The following PAMR1 variants were observed in gnomAD, a reference collection of about 807,000 sequenced individuals.
PAMR1 encodes peptidase domain containing associated with muscle regeneration 1.
In PAMR1, 88 loss-of-function variants were observed where a neutral mutation model predicts 81.8. That is an observed-to-expected ratio of 1.08 (90% CI 0.91 to 1.28). PAMR1 has a LOEUF of 1.28. PAMR1 is among the 50% of genes most tolerant of loss of function. The pLI is 0.00. For missense variants in PAMR1, 935 were observed against 919.7 expected, an observed-to-expected ratio of 1.02 and a Z score of -0.21; for synonymous variants, 336 against 345.3, an observed-to-expected ratio of 0.97 and a Z score of 0.30.
chr11:35,526,596 C>T (rs1040039843), upstream of PAMR1, among the ~76,000 whole-genome samples: 23 of 152,206 alleles, frequency 1.5e-4, no homozygotes, highest in Non-Finnish European at 3.2e-4. Context: ...AGAAACGGAA[C>T]CATTGAGGAT....
intron 6 of PAMR1, among the ~76,000 whole-genome samples, chr11:35,442,937 T>A (rs1856207452): frequency 6.6e-6 from 1 of 152,146 alleles, no homozygotes; most frequent in Admixed American, 6.5e-5. Context: ...TAATTTCAAC[T>A]TTTATTTTAG....
intron 6 of PAMR1, chr11:35,452,070 A>G: frequency 2.2e-6 from 1 of 448,328 alleles, no homozygotes; most frequent in Non-Finnish European, 3.9e-6. Context: ...ACATTTATAA[A>G]GAATACAGAT....
At chr11:35,441,452 C>T (rs375277907) in intron 7 of PAMR1, 29 bp downstream of exon 7, 65 of 1,539,144 alleles carry the variant, frequency 4.2e-5, no homozygotes, top group Non-Finnish European at 5.6e-5. Context: ...CATCAATGTC[C>T]GTAGACTTCA....
intron 2 of PAMR1, 112 bp downstream of exon 2, chr11:35,493,984 T>C (rs1286684101): frequency 2.6e-6 from 2 of 782,556 alleles, no homozygotes; most frequent in Non-Finnish European, 4.3e-6. Flanking sequence ...TTCATAATCA[T>C]GGCACCACAG....
intron 1 of PAMR1, among the ~76,000 whole-genome samples, chr11:35,508,029 G>A (rs1453502860): frequency 6.6e-6 from 1 of 152,100 alleles, no homozygotes; most frequent in Non-Finnish European, 1.5e-5. Flanking sequence ...ACTCTGATTT[G>A]GTGTTTCTTT....
upstream of PAMR1, chr11:35,525,831 G>A (rs1851377102): frequency 3.6e-6 from 2 of 558,470 alleles, no homozygotes; most frequent in African/African-American, 1.9e-5. Flanking sequence ...GGCCACGCCT[G>A]GAGACCCGCG....
chr11:35,458,575 C>A (rs1311504866), intron 6 of PAMR1, among the ~76,000 whole-genome samples: 1 of 152,106 alleles, frequency 6.6e-6, no homozygotes, highest in African/African-American at 2.4e-5. Flanking sequence ...TCTGAGAGTT[C>A]CAGCAAAGGA....
intron 8 of PAMR1, 190 bp from the exon 9 acceptor site, chr11:35,436,325 T>A (rs1039744536): frequency 1.7e-6 from 1 of 571,446 alleles, no homozygotes; most frequent in Non-Finnish European, 3.1e-6. Flanking sequence ...TGTCCCTCAC[T>A]CCAGGATGGA....
chr11:35,473,051 G>A (rs1373199128), intron 4 of PAMR1, among the ~76,000 whole-genome samples: 1 of 152,172 alleles, frequency 6.6e-6, no homozygotes, highest in Non-Finnish European at 1.5e-5. Flanking sequence ...GATGGGTGTG[G>A]CTTGAAGCAG....
chr11:35,507,863 A>ATTTGCC (rs1164423880), intron 1 of PAMR1, among the ~76,000 whole-genome samples: 26 of 148,386 alleles, frequency 1.8e-4, no homozygotes, highest in African/African-American at 6.2e-4. Context: ...TTAAGCCCAG[A>ATTTGCC]TTTGCCTTGG....
chr11:35,487,655 A>G (rs533203990), intron 3 of PAMR1, among the ~76,000 whole-genome samples: 6 of 152,244 alleles, frequency 3.9e-5, no homozygotes, highest in African/African-American at 1.4e-4. Context: ...TGGTACTTTC[A>G]AGCCCCAACC....
chr11:35,443,798 T>C (rs1055999737), intron 6 of PAMR1, among the ~76,000 whole-genome samples: 3 of 152,260 alleles, frequency 2.0e-5, no homozygotes, highest in Non-Finnish European at 4.4e-5. Flanking sequence ...TCAATCACCT[T>C]GAAATAATTT....
intron 3 of PAMR1, among the ~76,000 whole-genome samples, chr11:35,491,400 AAGTT>A (rs1850622889): frequency 6.6e-6 from 1 of 152,214 alleles, no homozygotes; most frequent in African/African-American, 2.4e-5. Flanking sequence ...CATATGGAAT[AAGTT>A]AGTGAAATAA....
At chr11:35,514,606 G>A (rs543829374) in intron 1 of PAMR1, among the ~76,000 whole-genome samples, 134 of 152,286 alleles carry the variant, frequency 8.8e-4, no homozygotes, top group African/African-American at 3.2e-3. Flanking sequence ...CTGCTTCTGG[G>A]TTATTTCAAA....
intron 1 of PAMR1, among the ~76,000 whole-genome samples, chr11:35,520,888 A>C (rs989730827): frequency 6.6e-6 from 1 of 152,230 alleles, no homozygotes; most frequent in Middle Eastern, 3.2e-3. Flanking sequence ...AAGACCTGTC[A>C]TTAGGTCCCA....
At chr11:35,510,424 A>C (rs1389066853) in intron 1 of PAMR1, among the ~76,000 whole-genome samples, 1 of 152,160 alleles carries the variant, frequency 6.6e-6, no homozygotes, top group African/African-American at 2.4e-5. Flanking sequence ...TGCCCTAAGA[A>C]TTCTCTGTTC....
chr11:35,497,233 AT>A, intron 1 of PAMR1, among the ~76,000 whole-genome samples: 1 of 152,198 alleles, frequency 6.6e-6, no homozygotes, highest in East Asian at 1.9e-4. Context: ...ACAATGGAAT[AT>A]TATTCAGCCA....
chr11:35,468,693 A>G (rs1856799768), intron 5 of PAMR1, among the ~76,000 whole-genome samples: 1 of 150,960 alleles, frequency 6.6e-6, no homozygotes. Flanking sequence ...TCTTTACTGC[A>G]GAACTTCTCA....
At position 35,474,737 on chromosome 11, in the gene PAMR1, G is replaced by A; in HGVS notation, c.387C>T (p.Gly129=). The A allele has an allele frequency of 6.2e-7, 1 of 1,603,944 alleles. No individual in the cohort carries two copies. The highest frequency in any genetic ancestry group is 1.1e-5 in the South Asian group (1 of 89,580). Residue 129 remains glycine (G), a synonymous_variant, in exon 4 of 11, where the codon GGC becomes GGT. Coordinates refer to ENST00000619888, the MANE Select transcript of PAMR1 (RefSeq NM_001001991.3). The part of the protein sequence containing the change: ...GWYGGDCMRC[G]QVLRAPKGQI... ...GACCCTTTGGGGCTCGCAGAACCTG[G>A]CCACATCCTAAGAAAAGAAGAAAAG... is the stretch of plus-strand genomic sequence containing the variant.
Sources: gnomAD v4.1 joint callset for allele counts (sites outside exome capture counted in the v4.1 genomes callset) on GRCh38, gnomAD v4.1.1 for gene constraint, MANE v1.5 for transcripts, NCBI Gene and HGNC (gene_info 2026-07-23, HGNC 2026-07-21) for gene names.